Variants in SLCO1A2 observed in about 807,000 individuals in gnomAD.
The protein encoded by SLCO1A2 is OATP-1.
SLCO1A2 carries 67 observed loss-of-function variants against 69.0 expected under a neutral mutation model. That is an observed-to-expected ratio of 0.97 (90% CI 0.80 to 1.19). The LOEUF is 1.19. SLCO1A2 is among the 50% of genes most tolerant of loss of function. SLCO1A2 has a pLI of 0.00. For synonymous variants in SLCO1A2, 260 were observed against 265.9 expected, an observed-to-expected ratio of 0.98 and a Z score of 0.22; for missense variants, 787 against 793.7, an observed-to-expected ratio of 0.99 and a Z score of 0.10.
upstream of SLCO1A2, among the ~76,000 whole-genome samples, chr12:21,397,395 G>C (rs538341800): frequency 1.3e-5 from 2 of 152,106 alleles, no homozygotes; most frequent in African/African-American, 4.8e-5. Context: ...GACCTACAAA[G>C]AGATTTAGAC....
Position 21,394,132 on chromosome 12 carries a change from T to C in SLCO1A2, c.-190+774A>G, listed in dbSNP as rs148679665. ...ACTGCCTTTCCAGATCAGGTGCTAA[T>C]AGATTTCAAGAAAGAAACACGGGCC... On this transcript the variant is annotated intron_variant, in intron 1 of 15. Coordinates refer to the SLCO1A2 transcript ENST00000307378. Among the ~76,000 whole-genome samples the C allele has an allele frequency of 5.9e-4, 90 of 152,240 alleles. 1 individual carries two copies. In the East Asian group the frequency reaches 0.015, roughly 25 times the overall value.
chr12:21,387,546 T>C (rs1262684124), intron 1 of SLCO1A2, among the ~76,000 whole-genome samples: 1 of 152,204 alleles, frequency 6.6e-6, no homozygotes, highest in Admixed American at 6.5e-5. Context: ...CCGTATGGTA[T>C]TGACCCTACG....
chr12:21,337,314 G>T (rs1952925529), upstream of SLCO1A2, among the ~76,000 whole-genome samples: 1 of 151,856 alleles, frequency 6.6e-6, no homozygotes, highest in Non-Finnish European at 1.5e-5. Flanking sequence ...ATAATACAAA[G>T]TTTTATGAAA....
At chr12:21,300,839 C>G (rs909258359) in intron 7 of SLCO1A2, among the ~76,000 whole-genome samples, 1 of 152,076 alleles carries the variant, frequency 6.6e-6, no homozygotes, top group African/African-American at 2.4e-5. Flanking sequence ...CAAATGATTG[C>G]TTAAAGTTCT....
At chr12:21,330,705 C>T (rs151081073) in intron 2 of SLCO1A2, among the ~76,000 whole-genome samples, 90 of 152,194 alleles carry the variant, frequency 5.9e-4, no homozygotes, top group African/African-American at 2.1e-3. Context: ...AAGAGTAACT[C>T]AACATTTTTA....
At chr12:21,418,496 G>C (rs558497353), upstream of SLCO1A2, among the ~76,000 whole-genome samples, 1 of 152,114 alleles carries the variant, frequency 6.6e-6, no homozygotes, top group Non-Finnish European at 1.5e-5. Flanking sequence ...GTTACATGTG[G>C]CTAGGGAGGC....
At chr12:21,348,692 CA>C (rs759149880) in intron 2 of SLCO1A2, among the ~76,000 whole-genome samples, 7 of 152,116 alleles carry the variant, frequency 4.6e-5, no homozygotes, top group Non-Finnish European at 7.4e-5. Flanking sequence ...ATTTATCAAC[CA>C]CAAGGAATCA....
At chr12:21,318,681 G>C (rs1951194685) in intron 3 of SLCO1A2, 101 bp downstream of exon 3, 1 of 998,324 alleles carries the variant, frequency 1.0e-6, no homozygotes, top group Non-Finnish European at 1.4e-6. Context: ...AACTCGGTCA[G>C]ATTAAATGAC....
chr12:21,416,787 C>T (rs903672185), intron 1 of SLCO1A2, among the ~76,000 whole-genome samples: 2 of 151,986 alleles, frequency 1.3e-5, no homozygotes, highest in Admixed American at 1.3e-4. Flanking sequence ...AAAAAAAATA[C>T]ATCATTGAAT....
intron 9 of SLCO1A2, among the ~76,000 whole-genome samples, chr12:21,297,193 CTT>C (rs1239493742): frequency 1.4e-5 from 2 of 147,630 alleles, no homozygotes; most frequent in Non-Finnish European, 2.9e-5. Context: ...CTTCCCTACC[CTT>C]TCTTTCTTTC....
chr12:21,342,719 G>C (rs1267619999), intron 2 of SLCO1A2, among the ~76,000 whole-genome samples: 5 of 151,724 alleles, frequency 3.3e-5, no homozygotes, highest in Non-Finnish European at 5.9e-5. Context: ...CAAGCATATC[G>C]ATCTAAAATT....
At chr12:21,375,485 A>T (rs564643404) in intron 1 of SLCO1A2, among the ~76,000 whole-genome samples, 3 of 152,354 alleles carry the variant, frequency 2.0e-5, no homozygotes, top group African/African-American at 7.2e-5. Flanking sequence ...AAATTTAATC[A>T]TCTCATTTGA....
chr12:21,416,784 A>G (rs1012102874), intron 1 of SLCO1A2, among the ~76,000 whole-genome samples: 1 of 152,190 alleles, frequency 6.6e-6, no homozygotes, highest in Non-Finnish European at 1.5e-5. Context: ...AAGAAAAAAA[A>G]TACATCATTG....
chr12:21,417,831 A>G (rs1289643563), intron 1 of SLCO1A2: 1 of 152,146 alleles, frequency 6.6e-6, no homozygotes. Flanking sequence ...ATGTACATAT[A>G]TATTAAAATG....
intron 2 of SLCO1A2, among the ~76,000 whole-genome samples, chr12:21,333,116 C>T (rs772183580): frequency 3.9e-5 from 6 of 152,046 alleles, no homozygotes; most frequent in Non-Finnish European, 5.9e-5. Flanking sequence ...ACTATTTTCA[C>T]CTAGTTTTAT....
chr12:21,393,098 C>G (rs554437997), intron 1 of SLCO1A2, among the ~76,000 whole-genome samples: 3 of 152,294 alleles, frequency 2.0e-5, no homozygotes, highest in South Asian at 2.1e-4. Flanking sequence ...TTGTTTAGCA[C>G]TGGCCAAATA....
upstream of SLCO1A2, among the ~76,000 whole-genome samples, chr12:21,399,177 T>A (rs1347177427): frequency 1.4e-5 from 2 of 145,692 alleles, no homozygotes; most frequent in Non-Finnish European, 3.0e-5. Context: ...TTCAGCAAAG[T>A]CTCAGGATAC....
intron 1 of SLCO1A2, among the ~76,000 whole-genome samples, chr12:21,415,385 T>C (rs891992760): frequency 4.6e-5 from 7 of 152,120 alleles, no homozygotes; most frequent in African/African-American, 1.7e-4. Context: ...CTTTTAATCG[T>C]CTTTACCTCA....
chr12:21,383,595 A>G (rs996949646), intron 1 of SLCO1A2, among the ~76,000 whole-genome samples: 1 of 152,176 alleles, frequency 6.6e-6, no homozygotes, highest in African/African-American at 2.4e-5. Flanking sequence ...TCCGTCATAC[A>G]TAGATAAGAG....
Sources: gnomAD v4.1 joint callset for allele counts (sites outside exome capture counted in the v4.1 genomes callset) on GRCh38, gnomAD v4.1.1 for gene constraint, MANE v1.5 for transcripts, NCBI Gene and HGNC (gene_info 2026-07-23, HGNC 2026-07-21) for gene names.